Variants in TFAP2D observed in about 807,000 individuals in gnomAD.
The protein encoded by TFAP2D is transcription factor AP-2-delta.
Under a neutral mutation model 43.6 loss-of-function variants are expected in TFAP2D, and 9 were observed. That is an observed-to-expected ratio of 0.21 (90% confidence interval 0.12 to 0.36). TFAP2D has a LOEUF of 0.36. Ranked by LOEUF, TFAP2D falls within the 10% of genes least tolerant of loss-of-function variation. The pLI is 1.00. For missense variants in TFAP2D, 513 were observed against 561.4 expected (o/e 0.91, Z 0.87); for synonymous variants, 256 against 224.9 (o/e 1.14, Z -1.24).
chr6:50,736,090 T>A (rs1340206935), intron 5 of TFAP2D, among the ~76,000 whole-genome samples: 1 of 152,184 alleles, frequency 6.6e-6, no homozygotes, highest in South Asian at 2.1e-4. Flanking sequence ...GAGCAACTCA[T>A]GGACCTCATT....
intron 7 of TFAP2D, among the ~76,000 whole-genome samples, chr6:50,752,271 T>A (rs1442280670): frequency 6.6e-6 from 1 of 151,974 alleles, no homozygotes; most frequent in East Asian, 1.9e-4. Context: ...AAATTTCATT[T>A]TCTGATGTGT....
chr6:50,724,059 C>T, intron 3 of TFAP2D, among the ~76,000 whole-genome samples: 1 of 152,060 alleles, frequency 6.6e-6, no homozygotes, highest in East Asian at 1.9e-4. Flanking sequence ...AGTCCGCATC[C>T]TTTGCTGTTT....
intron 7 of TFAP2D, among the ~76,000 whole-genome samples, chr6:50,761,512 C>T (rs181627807): frequency 4.6e-5 from 7 of 152,060 alleles, no homozygotes; most frequent in Admixed American, 2.6e-4. Flanking sequence ...TCCTTTATAA[C>T]ACATATTGAA....
At chr6:50,720,254 T>C (rs1768696734) in intron 3 of TFAP2D, among the ~76,000 whole-genome samples, 1 of 152,142 alleles carries the variant, frequency 6.6e-6, no homozygotes, top group South Asian at 2.1e-4. Context: ...TCTTGAAAGA[T>C]TTGCTTTTCC....
At chr6:50,723,821 C>G (rs534719081) in intron 3 of TFAP2D, among the ~76,000 whole-genome samples, 3 of 152,112 alleles carry the variant, frequency 2.0e-5, no homozygotes, top group Non-Finnish European at 4.4e-5. Context: ...GGGGATTAAT[C>G]TCCCCCCAAC....
intron 3 of TFAP2D, among the ~76,000 whole-genome samples, chr6:50,723,063 G>A (rs573751189): frequency 6.6e-6 from 1 of 152,308 alleles, no homozygotes; most frequent in East Asian, 1.9e-4. Context: ...GAATTAATAT[G>A]ATCTGAACTC....
chr6:50,760,215 T>C (rs886163465), intron 7 of TFAP2D, among the ~76,000 whole-genome samples: 29 of 151,986 alleles, frequency 1.9e-4, no homozygotes, highest in Admixed American at 1.9e-3. Flanking sequence ...GCAGAAGGTC[T>C]TGTGGGAAAT....
chr6:50,770,958 C>A (rs186656745), intron 7 of TFAP2D, among the ~76,000 whole-genome samples: 1 of 151,996 alleles, frequency 6.6e-6, no homozygotes, highest in Middle Eastern at 3.4e-3. Flanking sequence ...TATTATGAGA[C>A]GTAGGAAGCA....
At chr6:50,743,872 G>A (rs1390428973) in intron 5 of TFAP2D, among the ~76,000 whole-genome samples, 5 of 152,020 alleles carry the variant, frequency 3.3e-5, no homozygotes, top group Non-Finnish European at 7.4e-5. Context: ...AAATTACAAA[G>A]TGCTACTAAG....
At position 50,741,001 on chromosome 6, in the gene TFAP2D, G is replaced by C. The variant is rs952596677; in HGVS notation, c.884-4106G>C. 3.2e-4 allele frequency among the ~76,000 whole-genome samples: 49 copies of C among 151,850 alleles called. 1 individual carries two copies. The highest frequency in any genetic ancestry group is 1.5e-5 in the Non-Finnish European group (1 of 67,964). ...GAAAAATGAATTCTCTAAAATCAAC[G>C]AGCAAATTTATCTTTTACGTTCTTG... On this transcript the variant is annotated intron_variant, in intron 5 of 7. Coordinates refer to ENST00000008391, the MANE Select transcript of TFAP2D (RefSeq NM_172238.4).
intron 7 of TFAP2D, 50 bp downstream of exon 7, chr6:50,751,374 T>A (rs1306268155): frequency 1.6e-6 from 2 of 1,237,682 alleles, no homozygotes; most frequent in Admixed American, 1.7e-5. Context: ...CCCAGATGCT[T>A]GTATTCCTAT....
At chr6:50,723,876 G>A (rs1016093052) in intron 3 of TFAP2D, among the ~76,000 whole-genome samples, 4 of 151,790 alleles carry the variant, frequency 2.6e-5, no homozygotes, top group Non-Finnish European at 5.9e-5. Context: ...CACACCTACC[G>A]CCACATTAAA....
chr6:50,751,406 C>A, intron 7 of TFAP2D, 82 bp downstream of exon 7: 2 of 941,632 alleles, frequency 2.1e-6, no homozygotes, highest in African/African-American at 1.6e-5. Flanking sequence ...TTAGAGATAC[C>A]ACTTATATGT....
At chr6:50,717,760 A>G (rs1201619983) in intron 2 of TFAP2D, among the ~76,000 whole-genome samples, 2 of 152,234 alleles carry the variant, frequency 1.3e-5, no homozygotes, top group Non-Finnish European at 2.9e-5. Flanking sequence ...ATTTTCTTCC[A>G]CTGTTCTTGC....
At chr6:50,772,321 G>C (rs1207975502) in intron 7 of TFAP2D, among the ~76,000 whole-genome samples, 7 of 152,034 alleles carry the variant, frequency 4.6e-5, no homozygotes, top group Admixed American at 1.3e-4. Flanking sequence ...AGCACACCAA[G>C]CTGGCACATG....
intron 5 of TFAP2D, among the ~76,000 whole-genome samples, chr6:50,741,627 G>A (rs1359161611): frequency 6.6e-6 from 1 of 151,624 alleles, no homozygotes; most frequent in African/African-American, 2.4e-5. Context: ...TCTAAAATAT[G>A]TAATTATTGA....
chr6:50,718,768 A>G (rs1215037277), intron 2 of TFAP2D, among the ~76,000 whole-genome samples: 1 of 152,194 alleles, frequency 6.6e-6, no homozygotes, highest in Non-Finnish European at 1.5e-5. Context: ...CTGTCTGTAT[A>G]TACGCTGTGT....
intron 3 of TFAP2D, among the ~76,000 whole-genome samples, chr6:50,726,461 T>C (rs897189597): frequency 1.3e-5 from 2 of 152,226 alleles, no homozygotes; most frequent in Admixed American, 6.5e-5. Context: ...TGTGTCCTCA[T>C]TTGTATACTG....
chr6:50,755,118 G>C (rs1275783319), intron 7 of TFAP2D, among the ~76,000 whole-genome samples: 1 of 151,718 alleles, frequency 6.6e-6, no homozygotes, highest in African/African-American at 2.4e-5. Flanking sequence ...GATTCATTTT[G>C]AGTTAATTTT....
Sources: gnomAD v4.1 joint callset for allele counts (sites outside exome capture counted in the v4.1 genomes callset) on GRCh38, gnomAD v4.1.1 for gene constraint, MANE v1.5 for transcripts, NCBI Gene and HGNC (gene_info 2026-07-23, HGNC 2026-07-21) for gene names.